The following RBM20 variants were observed in gnomAD, a reference collection of about 807,000 sequenced individuals.
The protein encoded by RBM20 is RNA binding motif protein 20.
Under a neutral mutation model 110.1 loss-of-function variants are expected in RBM20, and 51 were observed. That is an observed-to-expected ratio of 0.46 (90% confidence interval 0.37 to 0.59). The LOEUF (loss-of-function observed/expected upper bound fraction) is 0.59. RBM20 is among the 20% of genes least tolerant of loss of function. The probability of loss-of-function intolerance (pLI) is 0.00; values close to 1 mark genes in which losing one functional copy is unlikely to be tolerated. For missense variants in RBM20, 1,512 were observed against 1,574.9 expected, an observed-to-expected ratio of 0.96 and a Z score of 0.68; for synonymous variants, 589 against 618.2, an observed-to-expected ratio of 0.95 and a Z score of 0.70.
chr10:110,797,730 G>A, intron 6 of RBM20, 82 bp downstream of exon 6: 1 of 1,428,202 alleles, frequency 7.0e-7, no homozygotes, highest in Non-Finnish European at 9.6e-7. Context: ...TTTGAAAGAA[G>A]CCATTCTTAA....
intron 1 of RBM20, among the ~76,000 whole-genome samples, chr10:110,708,425 C>G (rs540830640): frequency 6.6e-6 from 1 of 151,986 alleles, no homozygotes; most frequent in Non-Finnish European, 1.5e-5. Flanking sequence ...TAATTTTTTT[C>G]AACTATTTTC....
chr10:110,799,256 T>C (rs986689305), intron 6 of RBM20, among the ~76,000 whole-genome samples: 3 of 152,192 alleles, frequency 2.0e-5, no homozygotes, highest in Admixed American at 6.5e-5. Flanking sequence ...GAAATGTGGG[T>C]TAGTGGGCTC....
chr10:110,805,637 G>A (rs1056885185), intron 7 of RBM20, among the ~76,000 whole-genome samples: 12 of 152,226 alleles, frequency 7.9e-5, no homozygotes, highest in Non-Finnish European at 1.2e-4. Context: ...TTTCCCATCG[G>A]CAATAAGCCT....
At chr10:110,766,964 C>A (rs1844097522) in intron 1 of RBM20, among the ~76,000 whole-genome samples, 2 of 147,584 alleles carry the variant, frequency 1.4e-5, no homozygotes, top group Admixed American at 1.3e-4. Flanking sequence ...GTGACCCCCC[C>A]ACCTCCCTCC....
At chr10:110,791,009 A>G (rs566660827) in intron 5 of RBM20, among the ~76,000 whole-genome samples, 53 of 152,322 alleles carry the variant, frequency 3.5e-4, no homozygotes, top group Non-Finnish European at 6.8e-4. Context: ...CAAGATCCGT[A>G]GGCAATCCTA....
At chr10:110,648,005 C>A (rs1301370203) in intron 1 of RBM20, among the ~76,000 whole-genome samples, 2 of 152,150 alleles carry the variant, frequency 1.3e-5, no homozygotes, top group African/African-American at 2.4e-5. Flanking sequence ...ATTTTCCTAA[C>A]TTATTTGATT....
chr10:110,683,511 T>C (rs1378920256), intron 1 of RBM20, among the ~76,000 whole-genome samples: 1 of 152,246 alleles, frequency 6.6e-6, no homozygotes. Flanking sequence ...CCTATCCTCT[T>C]ATTCCTTAAG....
chr10:110,747,096 TATC>T (rs1843789952), intron 1 of RBM20, among the ~76,000 whole-genome samples: 1 of 152,206 alleles, frequency 6.6e-6, no homozygotes, highest in Admixed American at 6.5e-5. Context: ...TATAAGATGT[TATC>T]ATTGGGGAAG....
At chr10:110,653,332 C>CT (rs1861977759) in intron 1 of RBM20, among the ~76,000 whole-genome samples, 1 of 152,162 alleles carries the variant, frequency 6.6e-6, no homozygotes, top group African/African-American at 2.4e-5. Context: ...GTAAACCTTG[C>CT]TTTGCGGGGA....
chr10:110,775,990 A>G (rs1844257464), intron 1 of RBM20, among the ~76,000 whole-genome samples: 1 of 152,214 alleles, frequency 6.6e-6, no homozygotes, highest in South Asian at 2.1e-4. Context: ...TGATGGCTTA[A>G]CAACAATTTA....
At chr10:110,763,304 C>T (rs1056205675) in intron 1 of RBM20, among the ~76,000 whole-genome samples, 1 of 151,910 alleles carries the variant, frequency 6.6e-6, no homozygotes, top group African/African-American at 2.4e-5. Context: ...ACCCCAAGCC[C>T]CATCTCCTCC....
rs890837429 is a variant in RBM20, at chr10:110,799,863, A to T, written c.1745A>T (p.Asn582Ile). The T allele has an allele frequency of 2.6e-6, 4 of 1,552,128 alleles. No individual in the cohort carries two copies. Among genetic ancestry groups the T allele is most frequent in the South Asian group, 2.4e-5 (2 of 84,054 alleles). ...TATCAAGAAAAATCTGCTGTGATCAATGGTGAGAAGTTGCTCATTCGGATG... is the reference window on the plus strand; with the variant it reads ...TATCAAGAAAAATCTGCTGTGATCATTGGTGAGAAGTTGCTCATTCGGATG... Reference protein sequence around the residue: ...QYYQEKSAVINGEKLLIRMSK... With the variant: ...QYYQEKSAVIIGEKLLIRMSK... Residue 582 changes from asparagine (N) to isoleucine (I), a missense_variant, in exon 7 of 14, where the codon AAT becomes ATT. By Grantham distance (149) the Asn-to-Ile change is moderately radical. Around this residue, in one of 3 missense-constraint regions of RBM20, gnomAD observed 1,149 missense variants for 1,169.4 expected, o/e 0.98. Transcript: ENST00000369519.
At chr10:110,705,087 T>C (rs11195276) in intron 1 of RBM20, among the ~76,000 whole-genome samples, 2 of 152,108 alleles carry the variant, frequency 1.3e-5, no homozygotes. Context: ...GAACAAAAAG[T>C]TCGATTGTTG....
At chr10:110,709,136 A>T (rs1051007793) in intron 1 of RBM20, among the ~76,000 whole-genome samples, 6 of 152,180 alleles carry the variant, frequency 3.9e-5, no homozygotes, top group Admixed American at 3.3e-4. Flanking sequence ...ACCAGGACAG[A>T]GCTATCCTGA....
rs760246427 is a variant in RBM20, at chr10:110,758,014, C to CTTTTTTTTTTTTTTTTTTTTTTTTTTT, written c.192-22763_192-22762insTTTTTTTTTTTTTTTTTTTTTTTTTTT. Among the ~76,000 whole-genome samples the CTTTTTTTTTTTTTTTTTTTTTTTTTTT allele has an allele frequency of 2.5e-5, 2 of 79,906 alleles. 1 individual carries two copies. The highest frequency in any genetic ancestry group is 1.0e-4 in the African/African-American group (2 of 19,182). The allele number at this position is 79,906 out of a possible 152,430, so 52.4% of individuals were successfully genotyped here. A position where few individuals can be genotyped will look rare whatever the true frequency, so the allele number is the denominator to read the frequency against. On this transcript the variant is annotated intron_variant, in intron 1 of 13. Transcript: ENST00000369519. Reference sequence around the variant, plus strand: ...AGAAAAGACAGGCAAGATCCTTGTTCTTTTTTTTTTTTTTTTTTTTTTTTG... The same window carrying CTTTTTTTTTTTTTTTTTTTTTTTTTTT: ...AGAAAAGACAGGCAAGATCCTTGTTCTTTTTTTTTTTTTTTTTTTTTTTTTTTTTTTTTTTTTTTTTTTTTTTTTTTG...
At chr10:110,806,457 G>A (rs1844696558) in intron 7 of RBM20, among the ~76,000 whole-genome samples, 1 of 152,106 alleles carries the variant, frequency 6.6e-6, no homozygotes, top group Admixed American at 6.6e-5. Context: ...GTGGGAGCAG[G>A]GAGGTGCTAC....
At chr10:110,705,371 T>A (rs971751637) in intron 1 of RBM20, among the ~76,000 whole-genome samples, 6 of 152,262 alleles carry the variant, frequency 3.9e-5, no homozygotes, top group Non-Finnish European at 7.3e-5. Context: ...TCAGATCCAA[T>A]AAAATATTTC....
chr10:110,662,789 G>T (rs760373251), intron 1 of RBM20, among the ~76,000 whole-genome samples: 8 of 152,196 alleles, frequency 5.3e-5, no homozygotes, highest in Non-Finnish European at 1.2e-4. Flanking sequence ...AATGGGTTGA[G>T]TAAAGGATCG....
At position 110,724,759 on chromosome 10, in the gene RBM20, G is replaced by A. The variant is rs1015886102; in HGVS notation, c.192-56042G>A. Among the ~76,000 whole-genome samples, 9 of 152,268 alleles carry A rather than the reference G, an allele frequency of 5.9e-5. No individual in the cohort carries two copies. In the Middle Eastern group the frequency reaches 0.024, roughly 403 times the overall value. ...AATCATCTGGGGAATGAGAACAGTAGGCAAGGAAGGCAGGATCACCATTAT... is the reference window on the plus strand; with the variant it reads ...AATCATCTGGGGAATGAGAACAGTAAGCAAGGAAGGCAGGATCACCATTAT... On this transcript the variant is annotated intron_variant, in intron 1 of 13. Coordinates refer to ENST00000369519, the MANE Select transcript of RBM20 (RefSeq NM_001134363.3).
Sources: allele counts gnomAD v4.1 joint callset (sites outside exome capture counted in the v4.1 genomes callset), GRCh38; gene constraint gnomAD v4.1.1; regional missense constraint gnomAD v4.1.1; transcripts MANE v1.5; gene names NCBI Gene and HGNC (gene_info 2026-07-23, HGNC 2026-07-21).